LMO7: variants seen among roughly 807,000 people sequenced by gnomAD.
LMO7 encodes LIM domain 7, also known as LIM domain only protein 7.
A neutral mutation model predicts 206.5 loss-of-function variants in LMO7; 120 were observed. The observed-to-expected ratio is 0.58, with a 90% confidence interval of 0.50 to 0.68. The LOEUF (loss-of-function observed/expected upper bound fraction) is 0.68. Ranked by LOEUF, LMO7 falls within the 30% of genes least tolerant of loss-of-function variation. The pLI, the probability that LMO7 is intolerant of heterozygous loss-of-function variation, is 0.00. For missense variants in LMO7, 1,959 were observed against 1,957.9 expected, an observed-to-expected ratio of 1.00 and a Z score of -0.01; for synonymous variants, 706 against 681.5, an observed-to-expected ratio of 1.04 and a Z score of -0.56.
chr13:75,835,075 TA>T, intron 17 of LMO7, 157 bp from the exon 18 acceptor site: 2 of 813,008 alleles, frequency 2.5e-6, no homozygotes, highest in Non-Finnish European at 3.5e-6. Context: ...TTTTTTTATA[TA>T]TATGTGCATT....
chr13:75,853,117 T>A lies in LMO7; in HGVS notation c.4390T>A (p.Ser1464Thr). 2.5e-6 allele frequency: 4 copies of A among 1,609,050 alleles called. No individual in the cohort carries two copies. The highest frequency in any genetic ancestry group is 3.4e-6 in the Non-Finnish European group (4 of 1,176,880). Residue 1464 changes from serine (S) to threonine (T), a missense_variant, in exon 28 of 31, where the codon TCC becomes ACC. Physicochemically the swap from Ser to Thr is moderately conservative, Grantham distance 58. Transcript: ENST00000377534. ...RRGESLDNLD[S>T]PRSNSWRQPP... ...AGGCGAATCTTTAGATAACCTGGAC[T>A]CCCCCCGATCCAATTCTTGGAGACA...
At chr13:75,767,494 C>G (rs180989825) in intron 4 of LMO7, among the ~76,000 whole-genome samples, 2 of 152,132 alleles carry the variant, frequency 1.3e-5, no homozygotes, top group East Asian at 3.9e-4. Context: ...CAGTAAGCCT[C>G]ACTCCTTCTA....
intron 1 of LMO7, among the ~76,000 whole-genome samples, chr13:75,698,259 C>T (rs1463490913): frequency 6.6e-6 from 1 of 151,756 alleles, no homozygotes; most frequent in Non-Finnish European, 1.5e-5. Flanking sequence ...AAATTAAGAC[C>T]TATTCTTGTG....
intron 11 of LMO7, among the ~76,000 whole-genome samples, chr13:75,811,567 T>A (rs752108051): frequency 1.3e-5 from 2 of 152,246 alleles, no homozygotes; most frequent in Non-Finnish European, 2.9e-5. Flanking sequence ...GAATGCTTTC[T>A]TTTTTGTAAG....
rs2061107377 is a variant in LMO7, at chr13:75,858,039, T to TC, written c.*96_*97insC. The TC allele has an allele frequency of 6.8e-7, 1 of 1,464,154 alleles. No homozygotes were observed. Among genetic ancestry groups the TC allele is most frequent in the Admixed American group, 2.1e-5 (1 of 47,210 alleles). The allele number at this position is 1,464,154 out of a possible 1,614,324, so 90.7% of individuals were successfully genotyped here. Reference sequence around the variant, plus strand: ...ATATGTGTTGTATGTCTTTTTTGCTTTTTTTTTAAAAAAAAGAATAACTTT... The same window carrying TC: ...ATATGTGTTGTATGTCTTTTTTGCTTCTTTTTTTAAAAAAAAGAATAACTTT... On this transcript the variant is annotated 3_prime_UTR_variant, in exon 31 of 31. Coordinates refer to ENST00000377534, the MANE Select transcript of LMO7 (RefSeq NM_001306080.2).
chr13:75,770,901 G>C (rs1382751095), intron 4 of LMO7, among the ~76,000 whole-genome samples: 2 of 152,100 alleles, frequency 1.3e-5, no homozygotes, highest in African/African-American at 4.8e-5. Flanking sequence ...AATGAAGCTA[G>C]GTTTTTCATT....
At chr13:75,744,862 G>T (rs559861477) in intron 3 of LMO7, among the ~76,000 whole-genome samples, 1 of 152,272 alleles carries the variant, frequency 6.6e-6, no homozygotes, top group South Asian at 2.1e-4. Flanking sequence ...CAGCCTTGTC[G>T]ACCAGAAACA....
chr13:75,674,524 A>G (rs1044367038), intron 1 of LMO7, among the ~76,000 whole-genome samples: 4 of 152,218 alleles, frequency 2.6e-5, no homozygotes, highest in Middle Eastern at 3.2e-3. Flanking sequence ...ATAGAAAAAT[A>G]TAATTGAAGT....
chr13:75,815,256 T>C (rs990535815), intron 11 of LMO7, among the ~76,000 whole-genome samples: 3 of 152,154 alleles, frequency 2.0e-5, no homozygotes, highest in African/African-American at 7.2e-5. Flanking sequence ...GTGATAATTG[T>C]GATCATCCAG....
intron 7 of LMO7, among the ~76,000 whole-genome samples, chr13:75,802,405 A>C (rs1332875726): frequency 2.6e-5 from 4 of 152,240 alleles, no homozygotes; most frequent in African/African-American, 9.6e-5. Flanking sequence ...GTAAAAGCAG[A>C]GGCTGAAATT....
chr13:75,790,023 A>G (rs2053040401), intron 4 of LMO7, among the ~76,000 whole-genome samples: 1 of 152,160 alleles, frequency 6.6e-6, no homozygotes, highest in Non-Finnish European at 1.5e-5. Flanking sequence ...GGACAATGCT[A>G]ATAATACCAC....
At chr13:75,661,718 T>C (rs566718801) in intron 1 of LMO7, among the ~76,000 whole-genome samples, 30 of 152,366 alleles carry the variant, frequency 2.0e-4, no homozygotes, top group African/African-American at 7.2e-4. Flanking sequence ...GCATCTGCAC[T>C]GGAAGCAGGT....
intron 3 of LMO7, among the ~76,000 whole-genome samples, chr13:75,749,937 G>C (rs2047139743): frequency 6.6e-6 from 1 of 151,476 alleles, no homozygotes; most frequent in Non-Finnish European, 1.5e-5. Context: ...TTGGATCTCT[G>C]AGTGTTTGCC....
intron 3 of LMO7, among the ~76,000 whole-genome samples, 183 bp downstream of exon 3, chr13:75,727,281 C>A (rs968177153): frequency 1.4e-4 from 21 of 151,754 alleles, no homozygotes; most frequent in African/African-American, 4.6e-4. Context: ...TTCCCTTTTG[C>A]CTGGAGGCTT....
intron 3 of LMO7, among the ~76,000 whole-genome samples, chr13:75,743,440 G>A (rs1270772002): frequency 1.3e-5 from 2 of 152,146 alleles, no homozygotes; most frequent in East Asian, 1.9e-4. Flanking sequence ...CAAAGACATG[G>A]AATCAACCTA....
chr13:75,856,526 C>T lies in LMO7; in HGVS notation c.4791C>T (p.Asp1597=). ...HCFKCVACEC[D]LGGSSSGAEV... ...CCCAGTGTGTTGCCTGTGAGTGTGA[C>T]CTCGGAGGCTCTTCCTCAGGAGCTG... The change falls in exon 30 of 31, where the codon GAC becomes GAT. Residue 1597 remains aspartate (D), a synonymous_variant. Coordinates refer to ENST00000377534, the MANE Select transcript of LMO7 (RefSeq NM_001306080.2). 6.2e-7 allele frequency: 1 copy of T among 1,608,458 alleles called. No homozygotes were observed. Among genetic ancestry groups the T allele is most frequent in the Non-Finnish European group, 8.5e-7 (1 of 1,175,690 alleles).
At chr13:75,701,648 C>T (rs1447312534) in intron 1 of LMO7, among the ~76,000 whole-genome samples, 2 of 152,094 alleles carry the variant, frequency 1.3e-5, no homozygotes, top group Admixed American at 1.3e-4. Flanking sequence ...ACTCCTTAAT[C>T]TAGAAAAAAA....
intron 11 of LMO7, among the ~76,000 whole-genome samples, chr13:75,815,096 C>T (rs551441227): frequency 1.3e-5 from 2 of 152,160 alleles, no homozygotes; most frequent in South Asian, 4.2e-4. Context: ...GAAAGGAACT[C>T]TCTGGCTGCT....
At chr13:75,775,592 T>C (rs553142273) in intron 4 of LMO7, among the ~76,000 whole-genome samples, 1 of 152,174 alleles carries the variant, frequency 6.6e-6, no homozygotes, top group African/African-American at 2.4e-5. Context: ...ATATCCAGAA[T>C]CTACAAGGAA....
Sources: allele counts gnomAD v4.1 joint callset (sites outside exome capture counted in the v4.1 genomes callset), GRCh38; gene constraint gnomAD v4.1.1; transcripts MANE v1.5; gene names NCBI Gene and HGNC (gene_info 2026-07-23, HGNC 2026-07-21).